The following ANO5 variants were observed in gnomAD, a reference collection of about 807,000 sequenced individuals.
ANO5 encodes the protein anoctamin-5.
A neutral mutation model predicts 121.0 loss-of-function variants in ANO5; 109 were observed. The ratio of observed to expected loss-of-function variants is 0.90; its 90% confidence interval spans 0.77 to 1.06. The LOEUF is 1.06. Among genes scored for constraint, ANO5 ranks in the 50% least tolerant of loss-of-function variants. The pLI, the probability that ANO5 is intolerant of heterozygous loss-of-function variation, is 0.00. For synonymous variants in ANO5, 406 were observed against 359.9 expected, an observed-to-expected ratio of 1.13 and a Z score of -1.45; for missense variants, 1,064 against 1,078.5, an observed-to-expected ratio of 0.99 and a Z score of 0.19.
rs758566807 is a variant in ANO5 at position 22,239,669 on chromosome 11, C to A, written c.863C>A (p.Pro288His). 1.2e-6 allele frequency: 2 copies of A among 1,604,874 alleles called. No individual in the cohort carries two copies. Among genetic ancestry groups the A allele is most frequent in the South Asian group, 2.2e-5 (2 of 90,934 alleles). Residue 288 changes from proline (P) to histidine (H), a missense_variant, in exon 9 of 22, where the codon CCT becomes CAT. Pro to His is a moderately conservative substitution (Grantham distance 77). Transcript: ENST00000324559. ...ARFSYFYKEQ[P>H]LDLIKNYYGE... is the part of the protein sequence containing the mutation. ...TTTTCCTATTTCTACAAGGAGCAGC[C>A]TTTAGACTTGATTAAGTAAGTTTCA...
Position 22,221,130 on chromosome 11 carries a change from T to G in ANO5, c.214T>G (p.Phe72Val). 6.2e-7 allele frequency: 1 copy of G among 1,611,834 alleles called. No individual in the cohort carries two copies. Among genetic ancestry groups the G allele is most frequent in the Non-Finnish European group, 8.5e-7 (1 of 1,178,638 alleles). Reference sequence around the variant, plus strand: ...AAATCAGCAAAGCAAAGATTCTATCTTCTTCCGAGATGGGATTAGGCAAAT... The same window carrying G: ...AAATCAGCAAAGCAAAGATTCTATCGTCTTCCGAGATGGGATTAGGCAAAT... ...QKNQQSKDSI[F>V]FRDGIRQIDF... Residue 72 changes from phenylalanine (F) to valine (V), a missense_variant, in exon 5 of 22, where the codon TTC becomes GTC. By Grantham distance (50) the Phe-to-Val change is conservative (BLOSUM62 -1). Coordinates refer to ENST00000324559, the MANE Select transcript of ANO5 (RefSeq NM_213599.3).
intron 1 of ANO5, among the ~76,000 whole-genome samples, 183 bp downstream of exon 1, chr11:22,193,715 T>G (rs961485935): frequency 1.3e-5 from 2 of 151,874 alleles, no homozygotes; most frequent in African/African-American, 4.8e-5. Flanking sequence ...CTGGGGTGAG[T>G]GGGGTTGGTT....
intron 2 of ANO5, among the ~76,000 whole-genome samples, chr11:22,208,124 T>C (rs529942713): frequency 6.6e-6 from 1 of 152,188 alleles, no homozygotes; most frequent in African/African-American, 2.4e-5. Context: ...GTTGGGCAGT[T>C]TCTTAAAAAT....
At chr11:22,236,039 C>A in intron 7 of ANO5, 124 bp from the exon 8 acceptor site, 1 of 703,700 alleles carries the variant, frequency 1.4e-6, no homozygotes, top group Non-Finnish European at 2.6e-6. Context: ...CCAAGAGAAG[C>A]TTCTTTCTAT....
chr11:22,253,018 T>C (rs1455163024), intron 12 of ANO5, among the ~76,000 whole-genome samples: 1 of 152,142 alleles, frequency 6.6e-6, no homozygotes, highest in East Asian at 1.9e-4. Context: ...ACCATGGCTT[T>C]CATCTCCATA....
chr11:22,271,198 G>A (rs1203304133), intron 18 of ANO5, among the ~76,000 whole-genome samples: 1 of 152,152 alleles, frequency 6.6e-6, no homozygotes, highest in Non-Finnish European at 1.5e-5. Context: ...TGGGACTACA[G>A]GTGCGTGCCA....
chr11:22,201,196 C>G (rs983217905), intron 1 of ANO5, among the ~76,000 whole-genome samples: 7 of 152,128 alleles, frequency 4.6e-5, no homozygotes, highest in Middle Eastern at 3.2e-3. Flanking sequence ...CAGTGAAAAA[C>G]TTGGCTCCCT....
At chr11:22,198,039 C>T (rs543514195) in intron 1 of ANO5, among the ~76,000 whole-genome samples, 1 of 152,282 alleles carries the variant, frequency 6.6e-6, no homozygotes, top group South Asian at 2.1e-4. Flanking sequence ...GTGTGAACAT[C>T]TAATTGCAAG....
Position 22,279,669 on chromosome 11 carries a change from C to A in ANO5, c.2646C>A (p.Asn882Lys), listed in dbSNP as rs34969327. Reference protein sequence around the residue: ...TIKILHDFELNKLKENLGINS... With the variant: ...TIKILHDFELKKLKENLGINS... ...AGATTCTCCATGATTTTGAGCTCAA[C>A]AAATTAAAAGAGAACTTGGGAATTA... Residue 882 changes from asparagine to lysine, a missense_variant, in exon 22 of 22, where the codon AAC (asparagine) becomes AAA (lysine). By Grantham distance (94) the Asn-to-Lys change is moderately conservative (BLOSUM62 0). Transcript: ENST00000324559. 1.9e-5 allele frequency: 30 copies of A among 1,612,652 alleles called. No homozygotes were observed. The Middle Eastern group carries it at 4.9e-4, about 27-fold the overall frequency.
chr11:22,262,039 A>T, intron 15 of ANO5, 90 bp from the exon 16 acceptor site: 2 of 1,257,670 alleles, frequency 1.6e-6, no homozygotes, highest in Non-Finnish European at 1.1e-6. Context: ...TCCCAGAATG[A>T]TGTGACTAGA....
intron 1 of ANO5, among the ~76,000 whole-genome samples, chr11:22,194,034 T>C (rs2133476587): frequency 6.6e-6 from 1 of 152,302 alleles, no homozygotes; most frequent in Non-Finnish European, 1.5e-5. Context: ...TTGTTAATTG[T>C]AGGAGTAGCA....
chr11:22,194,252 C>A (rs1851741197), intron 1 of ANO5, among the ~76,000 whole-genome samples: 1 of 152,188 alleles, frequency 6.6e-6, no homozygotes, highest in Non-Finnish European at 1.5e-5. Flanking sequence ...AATGCACATA[C>A]TATTTTGCTG....
In ANO5 at chr11:22,265,068, T is replaced by G. The variant is rs541902874; in HGVS notation, c.1898+2025T>G. Among the ~76,000 whole-genome samples, 3 of 152,204 alleles carry G rather than the reference T, an allele frequency of 2.0e-5. No individual in the cohort carries two copies. The South Asian group carries it at 6.2e-4, about 32-fold the overall frequency. ...ATTCGAATAGGTAATTGCTGAACAT[T>G]TTTCAAAAATGAGGAAAAACACAAG... On this transcript the variant is annotated intron_variant, in intron 17 of 21. Coordinates refer to ENST00000324559, the MANE Select transcript of ANO5 (RefSeq NM_213599.3).
chr11:22,201,299 G>A (rs1284327597), intron 1 of ANO5, among the ~76,000 whole-genome samples: 5 of 152,106 alleles, frequency 3.3e-5, no homozygotes, highest in African/African-American at 9.7e-5. Flanking sequence ...CAAAAATTGT[G>A]CTCACTTTTC....
intron 13 of ANO5, 135 bp from the exon 14 acceptor site, chr11:22,257,545 T>C: frequency 1.4e-6 from 1 of 717,094 alleles, no homozygotes; most frequent in South Asian, 1.5e-5. Flanking sequence ...TCCTATAATG[T>C]AGCTTTCCAT....
chr11:22,230,758 C>T (rs534971457), intron 7 of ANO5, among the ~76,000 whole-genome samples: 3 of 151,872 alleles, frequency 2.0e-5, no homozygotes, highest in Non-Finnish European at 4.4e-5. Flanking sequence ...TGAACAGCAC[C>T]TCCATTCAGG....
At chr11:22,269,398 G>A (rs1854509415) in intron 17 of ANO5, among the ~76,000 whole-genome samples, 1 of 140,746 alleles carries the variant, frequency 7.1e-6, no homozygotes, top group Non-Finnish European at 1.5e-5. Context: ...AGGAAGGAAG[G>A]AAGGAGAAAA....
At chr11:22,239,134 G>A (rs1429129314) in intron 8 of ANO5, among the ~76,000 whole-genome samples, 1 of 152,086 alleles carries the variant, frequency 6.6e-6, no homozygotes, top group Non-Finnish European at 1.5e-5. Context: ...GACAGAACAG[G>A]AGTCTCTTCC....
At chr11:22,240,272 A>T (rs1358253741) in intron 9 of ANO5, among the ~76,000 whole-genome samples, 1 of 152,042 alleles carries the variant, frequency 6.6e-6, no homozygotes. Context: ...CTATGGTTGC[A>T]GGTTATCACT....
Sources: gnomAD v4.1 joint callset for allele counts (sites outside exome capture counted in the v4.1 genomes callset) on GRCh38, gnomAD v4.1.1 for gene constraint, MANE v1.5 for transcripts, NCBI Gene and HGNC (gene_info 2026-07-23, HGNC 2026-07-21) for gene names.